TAS2R9: variants seen among roughly 807,000 people sequenced by gnomAD.
TAS2R9 encodes taste 2 receptor member 9.
For synonymous variants in TAS2R9, 158 were observed against 134.2 expected (o/e 1.18, Z -1.23); for missense variants, 406 against 363.6 (o/e 1.12, Z -0.95).
In TAS2R9 at chr12:10,809,825, A is replaced by G. The variant is rs780099344; in HGVS notation, c.251T>C (p.Ile84Thr). The part of the protein sequence containing the change: ...GTYGNSVLVS[I>T]VNVVWTFANN... ...GGCAAATGTCCAGACAACATTCACA[A>G]TGCTTACTAGCACGCTATTGCCATA... Residue 84 changes from isoleucine to threonine, a missense_variant, in exon 1 of 1, where the codon ATT becomes ACT. Transcript: ENST00000240691. The G allele has an allele frequency of 2.5e-6, 4 of 1,613,620 alleles. No individual in the cohort carries two copies. Among genetic ancestry groups the G allele is most frequent in the African/African-American group, 2.7e-5 (2 of 74,880 alleles).
chr12:10,810,163 T>A lies in TAS2R9; in HGVS notation c.-88A>T. The stretch of plus-strand genomic sequence containing the variant: ...GAAGAACAATGTATCTGTCTGCCTC[T>A]TAGACCATGATATAGTTGTCTTTAT... On this transcript the variant is annotated 5_prime_UTR_variant, in exon 1 of 1. The change creates a new upstream start codon in the 5' untranslated region. Transcript: ENST00000240691. 8.1e-7 allele frequency: 1 copy of A among 1,240,484 alleles called. No homozygotes were observed. The highest frequency in any genetic ancestry group is 1.1e-6 in the Non-Finnish European group (1 of 880,624). 76.8% of individuals were successfully genotyped at this position (1,240,484 alleles called of 1,614,324 possible).
rs1247031456 is a variant in TAS2R9 at position 10,810,114 on chromosome 12, T to A, written c.-39A>T. 6.4e-7 allele frequency: 1 copy of A among 1,563,394 alleles called. No homozygotes were observed. The highest frequency in any genetic ancestry group is 8.7e-7 in the Non-Finnish European group (1 of 1,149,180). ...TGTGATTTTTGAATATCACTGATGA[T>A]GAATTGACTTTCAGCTGACCAGTGA... On this transcript the variant is annotated 5_prime_UTR_variant, in exon 1 of 1. Coordinates refer to ENST00000240691, the MANE Select transcript of TAS2R9 (RefSeq NM_023917.2).
Position 10,809,141 on chromosome 12 carries a change from G to A in TAS2R9, c.935C>T (p.Pro312Leu), listed in dbSNP as rs562829461. 1.9e-6 allele frequency: 3 copies of A among 1,604,942 alleles called. No homozygotes were observed. Among genetic ancestry groups the A allele is most frequent in the East Asian group, 2.2e-5 (1 of 44,816 alleles). Residue 312 changes from proline (P) to leucine (L), a missense_variant, in exon 1 of 1, where the codon CCA (proline) becomes CTA (leucine). Coordinates refer to ENST00000240691, the MANE Select transcript of TAS2R9 (RefSeq NM_023917.2). ...CAGGATACTCTTTAGGGGTCTCTAT[G>A]GAACAAAAGGCTTTCTTCTTCTAAG... ...CFLRRRKPFV[P>L]
chr12:10,810,048 T>G lies in TAS2R9; in HGVS notation c.28A>C (p.Ile10Leu). The G allele has an allele frequency of 1.2e-6, 2 of 1,612,926 alleles. No individual in the cohort carries two copies. The highest frequency in any genetic ancestry group is 1.7e-6 in the Non-Finnish European group (2 of 1,179,404). The change falls in exon 1 of 1, where the codon ATT becomes CTT. Residue 10 changes from isoleucine to leucine, a missense_variant. Coordinates refer to ENST00000240691, the MANE Select transcript of TAS2R9 (RefSeq NM_023917.2). ...GTCAATTCACCAGCAATTAAAATAA[T>G]ATATATTGCCTCTATTGCACTTGGC... is the stretch of plus-strand genomic sequence containing the variant. MPSAIEAIYIILIAGELTIG... is the reference protein window; with the variant it reads MPSAIEAIYLILIAGELTIG...
chr12:10,809,519 C>T lies in TAS2R9; in HGVS notation c.557G>A (p.Gly186Glu), dbSNP rs200345708. Residue 186 changes from glycine (G) to glutamate (E), a missense_variant, in exon 1 of 1, where the codon GGG (glycine) becomes GAG (glutamate). Transcript: ENST00000240691. ...GTFKQLTLNLGVMVPFILCLI... is the reference protein window; with the variant it reads ...GTFKQLTLNLEVMVPFILCLI... ...GCAAAGGATAAAGGGAACCATCACCCCCAGGTTCAGGGTTAACTGTTTGAA... is the reference window on the plus strand; with the variant it reads ...GCAAAGGATAAAGGGAACCATCACCTCCAGGTTCAGGGTTAACTGTTTGAA... 8.1e-5 allele frequency: 130 copies of T among 1,613,308 alleles called. No homozygotes were observed. Among genetic ancestry groups the T allele is most frequent in the Non-Finnish European group, 7.4e-5 (87 of 1,179,734 alleles).
In TAS2R9 at chr12:10,809,611, G is replaced by C; in HGVS notation, c.465C>G (p.His155Gln). ...TTTCTTCATGACTGACTTTGAAAAG[G>C]TGATACCACATATCATCATTCTTTG... is the stretch of plus-strand genomic sequence containing the variant. ...SVPKNDDMWY[H>Q]LFKVSHEENI... The change falls in exon 1 of 1, where the codon CAC becomes CAG. Residue 155 changes from histidine (H) to glutamine (Q), a missense_variant. Coordinates refer to ENST00000240691, the MANE Select transcript of TAS2R9 (RefSeq NM_023917.2). 6.2e-7 allele frequency: 1 copy of C among 1,613,578 alleles called. No homozygotes were observed. Among genetic ancestry groups the C allele is most frequent in the Non-Finnish European group, 8.5e-7 (1 of 1,179,790 alleles).
Position 10,809,507 on chromosome 12 carries a change from G to A in TAS2R9, c.569C>T (p.Pro190Leu), listed in dbSNP as rs115762530. Reference protein sequence around the residue: ...QLTLNLGVMVPFILCLISFFL... With the variant: ...QLTLNLGVMVLFILCLISFFL... ...AAATGAGATCAGGCAAAGGATAAAG[G>A]GAACCATCACCCCCAGGTTCAGGGT... The change falls in exon 1 of 1, where the codon CCC (proline) becomes CTC (leucine). Residue 190 changes from proline to leucine, a missense_variant. Coordinates refer to ENST00000240691, the MANE Select transcript of TAS2R9 (RefSeq NM_023917.2). 6.2e-7 allele frequency: 1 copy of A among 1,613,404 alleles called. No homozygotes were observed. The highest frequency in any genetic ancestry group is 1.3e-5 in the African/African-American group (1 of 74,882).
Position 10,810,108 on chromosome 12 carries a change from T to C in TAS2R9, c.-33A>G, listed in dbSNP as rs1381366454. ...AAGACTTGTGATTTTTGAATATCAC[T>C]GATGATGAATTGACTTTCAGCTGAC... On this transcript the variant is annotated 5_prime_UTR_variant, in exon 1 of 1. Transcript: ENST00000240691. 6.4e-7 allele frequency: 1 copy of C among 1,570,220 alleles called. No individual in the cohort carries two copies. Among genetic ancestry groups the C allele is most frequent in the East Asian group, 2.2e-5 (1 of 44,550 alleles).
Position 10,809,515 on chromosome 12 carries a change from C to T in TAS2R9, c.561G>A (p.Val187=), listed in dbSNP as rs1190116778. Residue 187 remains valine, a synonymous_variant, in exon 1 of 1, where the codon GTG becomes GTA. Coordinates refer to ENST00000240691, the MANE Select transcript of TAS2R9 (RefSeq NM_023917.2). ...TFKQLTLNLG[V]MVPFILCLIS... is the part of the protein sequence containing the mutation. ...TCAGGCAAAGGATAAAGGGAACCAT[C>T]ACCCCCAGGTTCAGGGTTAACTGTT... is the stretch of plus-strand genomic sequence containing the variant. 9 of 1,613,430 alleles carry T rather than the reference C, an allele frequency of 5.6e-6. No individual in the cohort carries two copies. The highest frequency in any genetic ancestry group is 2.2e-5 in the South Asian group (2 of 91,058).
Position 10,810,142 on chromosome 12 carries a change from A to G in TAS2R9, c.-67T>C, listed in dbSNP as rs1684604140. On this transcript the variant is annotated 5_prime_UTR_variant, in exon 1 of 1. Transcript: ENST00000240691. Reference sequence around the variant, plus strand: ...ATTGACTTTCAGCTGACCAGTGAAGAACAATGTATCTGTCTGCCTCTTAGA... The same window carrying G: ...ATTGACTTTCAGCTGACCAGTGAAGGACAATGTATCTGTCTGCCTCTTAGA... 29 of 1,428,064 alleles carry G rather than the reference A, an allele frequency of 2.0e-5. 1 individual carries two copies. The South Asian group carries it at 2.9e-4, about 14-fold the overall frequency. 88.5% of individuals were successfully genotyped at this position (1,428,064 alleles called of 1,614,324 possible). A position where few individuals can be genotyped will look rare whatever the true frequency, so the allele number is the denominator to read the frequency against.
At position 10,809,879 on chromosome 12, in the gene TAS2R9, C is replaced by T; in HGVS notation, c.197G>A (p.Gly66Asp). The T allele has an allele frequency of 6.2e-7, 1 of 1,613,742 alleles. No individual in the cohort carries two copies. Among genetic ancestry groups the T allele is most frequent in the Non-Finnish European group, 8.5e-7 (1 of 1,179,852 alleles). ...ICLLCVISLDGFFMLLFPGTY... is the reference protein window; with the variant it reads ...ICLLCVISLDDFFMLLFPGTY... ...ACCTGGAAAGAGCAGCATAAAGAAG[C>T]CATCTAATGATATTACACACAGCAG... Residue 66 changes from glycine to aspartate, a missense_variant, in exon 1 of 1, where the codon GGC (glycine) becomes GAC (aspartate). Physicochemically the swap from Gly to Asp is moderately conservative, Grantham distance 94 (BLOSUM62 -1). Transcript: ENST00000240691.
Position 10,809,745 on chromosome 12 carries a change from T to A in TAS2R9, c.331A>T (p.Ile111Leu). The A allele has an allele frequency of 6.2e-7, 1 of 1,613,670 alleles. No homozygotes were observed. Residue 111 changes from isoleucine to leucine, a missense_variant, in exon 1 of 1, where the codon ATA becomes TTA. By Grantham distance (5) the Ile-to-Leu change is conservative. Coordinates refer to ENST00000240691, the MANE Select transcript of TAS2R9 (RefSeq NM_023917.2). The stretch of plus-strand genomic sequence containing the variant: ...AAAAATGGGTGCGATATATTGGCTA[T>A]CTTGAGTAAATAGAAGATACTGAGG... Reference protein sequence around the residue: ...SCLSIFYLLKIANISHPFFFW... With the variant: ...SCLSIFYLLKLANISHPFFFW...
At position 10,809,150 on chromosome 12, in the gene TAS2R9, G is replaced by T; in HGVS notation, c.926C>A (p.Pro309His). 2 of 1,609,140 alleles carry T rather than the reference G, an allele frequency of 1.2e-6. No homozygotes were observed. The highest frequency in any genetic ancestry group is 1.7e-6 in the Non-Finnish European group (2 of 1,177,636). ...FVKCFLRRRK[P>H]FVP Reference sequence around the variant, plus strand: ...CTTTAGGGGTCTCTATGGAACAAAAGGCTTTCTTCTTCTAAGGAAACACTT... The same window carrying T: ...CTTTAGGGGTCTCTATGGAACAAAATGCTTTCTTCTTCTAAGGAAACACTT... Residue 309 changes from proline (P) to histidine (H), a missense_variant, in exon 1 of 1, where the codon CCT becomes CAT. Pro to His is a moderately conservative substitution (Grantham distance 77, BLOSUM62 -2). Coordinates refer to ENST00000240691, the MANE Select transcript of TAS2R9 (RefSeq NM_023917.2).
chr12:10,810,102 T>G lies in TAS2R9; in HGVS notation c.-27A>C. ...CCAGCAAAGACTTGTGATTTTTGAA[T>G]ATCACTGATGATGAATTGACTTTCA... On this transcript the variant is annotated 5_prime_UTR_variant, in exon 1 of 1. Transcript: ENST00000240691. 6.3e-7 allele frequency: 1 copy of G among 1,580,414 alleles called. No individual in the cohort carries two copies. Among genetic ancestry groups the G allele is most frequent in the Non-Finnish European group, 8.6e-7 (1 of 1,160,944 alleles).
Position 10,809,749 on chromosome 12 carries a change from G to A in TAS2R9, c.327C>T (p.Leu109=). The change falls in exon 1 of 1, where the codon CTC becomes CTT. Residue 109 remains leucine (L), a synonymous_variant. Transcript: ENST00000240691. ...FTSCLSIFYL[L]KIANISHPFF... is the part of the protein sequence containing the mutation. ...ATGGGTGCGATATATTGGCTATCTT[G>A]AGTAAATAGAAGATACTGAGGCAAG... 1 of 1,613,644 alleles carries A rather than the reference G, an allele frequency of 6.2e-7. No individual in the cohort carries two copies. Among genetic ancestry groups the A allele is most frequent in the Non-Finnish European group, 8.5e-7 (1 of 1,179,830 alleles).
At chr12:10,810,053 AT>A in the TAS2R9 span, 1 of 1,611,498 alleles carries the variant, frequency 6.2e-7, no homozygotes, top group South Asian at 1.1e-5. Flanking sequence ...AATAATATAT[AT>A]TGCCTCTATT....
Position 10,809,239 on chromosome 12 carries a change from T to C in TAS2R9, c.837A>G (p.Ser279=). The change falls in exon 1 of 1, where the codon TCA becomes TCG. Residue 279 remains serine (S), a synonymous_variant. Coordinates refer to ENST00000240691, the MANE Select transcript of TAS2R9 (RefSeq NM_023917.2). ...IVTVIFPSSH[S]FILIMGNSKL... ...TGCTATTTCCCATAATTAGAATGAA[T>C]GAATGGCTTGATGGGAAAATGACAG... The C allele has an allele frequency of 1.9e-6, 3 of 1,613,666 alleles. No individual in the cohort carries two copies. The highest frequency in any genetic ancestry group is 2.5e-6 in the Non-Finnish European group (3 of 1,179,784).
Position 10,809,766 on chromosome 12 carries a change from T to G in TAS2R9, c.310A>C (p.Ser104Arg), listed in dbSNP as rs767994640. 2 of 1,613,718 alleles carry G rather than the reference T, an allele frequency of 1.2e-6. No homozygotes were observed. The highest frequency in any genetic ancestry group is 3.3e-5 in the Admixed American group (2 of 59,900). Reference sequence around the variant, plus strand: ...GCTATCTTGAGTAAATAGAAGATACTGAGGCAAGAAGTAAACCAGAGACTT... The same window carrying G: ...GCTATCTTGAGTAAATAGAAGATACGGAGGCAAGAAGTAAACCAGAGACTT... ...NSSLWFTSCL[S>R]IFYLLKIANI... The change falls in exon 1 of 1, where the codon AGT (serine) becomes CGT (arginine). Residue 104 changes from serine to arginine, a missense_variant. Ser to Arg is a moderately radical substitution (Grantham distance 110). Transcript: ENST00000240691.
At position 10,809,517 on chromosome 12, in the gene TAS2R9, C is replaced by T. The variant is rs776614425; in HGVS notation, c.559G>A (p.Val187Met). Residue 187 changes from valine (V) to methionine (M), a missense_variant, in exon 1 of 1, where the codon GTG becomes ATG. By Grantham distance (21) the Val-to-Met change is conservative. Transcript: ENST00000240691. ...AGGCAAAGGATAAAGGGAACCATCA[C>T]CCCCAGGTTCAGGGTTAACTGTTTG... is the stretch of plus-strand genomic sequence containing the variant. ...TFKQLTLNLG[V>M]MVPFILCLIS... 1.2e-6 allele frequency: 2 copies of T among 1,612,522 alleles called. No individual in the cohort carries two copies. The highest frequency in any genetic ancestry group is 2.7e-5 in the African/African-American group (2 of 74,792).
Sources: gnomAD v4.1 joint callset for allele counts on GRCh38, gnomAD v4.1.1 for gene constraint, MANE v1.5 for transcripts, NCBI Gene and HGNC (gene_info 2026-07-23, HGNC 2026-07-21) for gene names.